Variants in SMARCB1 observed in about 807,000 individuals in gnomAD.
SMARCB1 encodes SWI/SNF related BAF chromatin remodeling complex subunit B1.
Under a neutral mutation model 49.0 loss-of-function variants are expected in SMARCB1, and 5 were observed. The observed-to-expected ratio is 0.10, with a 90% CI of 0.05 to 0.21. The LOEUF (loss-of-function observed/expected upper bound fraction) is 0.21. Among genes scored for constraint, SMARCB1 ranks in the 10% least tolerant of loss-of-function variants. The pLI, the probability that SMARCB1 is intolerant of heterozygous loss-of-function variation, is 1.00. For synonymous variants in SMARCB1, 201 were observed against 200.1 expected (o/e 1.00, Z -0.04); for missense variants, 226 against 509.2 (o/e 0.44, Z 5.35).
At chr22:23,792,208 C>T (rs1044963731) in intron 2 of SMARCB1, 7 of 379,604 alleles carry the variant, frequency 1.8e-5, no homozygotes, top group Non-Finnish European at 2.6e-5. Context: ...TGCCATCTGT[C>T]GTGGGTGTGT....
rs372554198 is a variant in SMARCB1, at chr22:23,836,999, C to G, written c.*2819C>G. The G allele has an allele frequency of 1.6e-4, 264 of 1,611,278 alleles. No individual in the cohort carries two copies. The highest frequency in any genetic ancestry group is 2.2e-4 in the Non-Finnish European group (256 of 1,178,742). Reference sequence around the variant, plus strand: ...GGCCCGTGTTGAGCACAGGCCAGCACAGGTCCCCATCGGTGGGGATCCTTC... The same window carrying G: ...GGCCCGTGTTGAGCACAGGCCAGCAGAGGTCCCCATCGGTGGGGATCCTTC... On this transcript the variant is annotated 3_prime_UTR_variant, in exon 9 of 9. Coordinates refer to ENST00000644036, the MANE Select transcript of SMARCB1 (RefSeq NM_003073.5).
At chr22:23,812,556 C>T (rs1318261770) in intron 5 of SMARCB1, among the ~76,000 whole-genome samples, 4 of 152,080 alleles carry the variant, frequency 2.6e-5, no homozygotes, top group African/African-American at 9.7e-5. Context: ...TCCTTTATGA[C>T]TAAAGATGCA....
rs56800497 is a variant in SMARCB1 at position 23,830,649 on chromosome 22, C to CTTTTTTTTT, written c.987-2898_987-2890dup. 4.7e-4 allele frequency among the ~76,000 whole-genome samples: 45 copies of CTTTTTTTTT among 95,412 alleles called. 1 individual carries two copies. Among genetic ancestry groups the CTTTTTTTTT allele is most frequent in the East Asian group, 1.1e-3 (3 of 2,662 alleles). 62.6% of individuals were successfully genotyped at this position (95,412 alleles called of 152,430 possible). On this transcript the variant is annotated intron_variant, in intron 7 of 8. Transcript: ENST00000644036. ...TTCATTTTGATGTAGTCCAATTTAT[C>CTTTTTTTTT]TTTTTTTTTTTTTTTTTTTTTTTTT... is the stretch of plus-strand genomic sequence containing the variant.
chr22:23,799,816 C>A (rs1929030672), intron 3 of SMARCB1, among the ~76,000 whole-genome samples: 1 of 151,384 alleles, frequency 6.6e-6, no homozygotes, highest in African/African-American at 2.4e-5. Flanking sequence ...TCCTGAGTAG[C>A]TGGGACTGCA....
intron 5 of SMARCB1, among the ~76,000 whole-genome samples, chr22:23,808,968 G>T (rs1305305646): frequency 6.6e-6 from 1 of 151,758 alleles, no homozygotes; most frequent in East Asian, 2.0e-4. Context: ...AAAGTGCTGG[G>T]ATTACAGGCG....
At chr22:23,814,068 A>C (rs1296221973) in intron 5 of SMARCB1, among the ~76,000 whole-genome samples, 1 of 152,094 alleles carries the variant, frequency 6.6e-6, no homozygotes, top group African/African-American at 2.4e-5. Context: ...GAGCTCAGGC[A>C]GTCCGCCTGT....
chr22:23,819,543 C>G (rs941434720), intron 6 of SMARCB1, among the ~76,000 whole-genome samples: 4 of 152,058 alleles, frequency 2.6e-5, no homozygotes, highest in African/African-American at 7.3e-5. Context: ...GTTGGCCAGC[C>G]TGGTCTCAAA....
chr22:23,837,720 C>G lies in SMARCB1; in HGVS notation c.*3540C>G, dbSNP rs139269814. 1 of 1,614,030 alleles carries G rather than the reference C, an allele frequency of 6.2e-7. No individual in the cohort carries two copies. Reference sequence around the variant, plus strand: ...GCGAGAAGCCCATGAGCGCCCAAGGCAGGAACGGTGCCTGGAAAGTGAGCA... The same window carrying G: ...GCGAGAAGCCCATGAGCGCCCAAGGGAGGAACGGTGCCTGGAAAGTGAGCA... On this transcript the variant is annotated 3_prime_UTR_variant, in exon 9 of 9. Coordinates refer to ENST00000644036, the MANE Select transcript of SMARCB1 (RefSeq NM_003073.5).
intron 7 of SMARCB1, among the ~76,000 whole-genome samples, chr22:23,826,611 G>T (rs1173135318): frequency 6.6e-6 from 1 of 152,180 alleles, no homozygotes; most frequent in Non-Finnish European, 1.5e-5. Flanking sequence ...ATCCACATCT[G>T]CAGTCATCAC....
intron 5 of SMARCB1, among the ~76,000 whole-genome samples, chr22:23,807,136 C>T (rs1929545240): frequency 6.6e-6 from 1 of 152,124 alleles, no homozygotes; most frequent in Non-Finnish European, 1.5e-5. Context: ...CACATGTGGA[C>T]ATAGATGCCA....
rs755893089 is a variant in SMARCB1 at position 23,801,140 on chromosome 22, G to A, written c.500+59G>A. The A allele has an allele frequency of 2.1e-5, 34 of 1,613,510 alleles. No homozygotes were observed. The highest frequency in any genetic ancestry group is 2.7e-5 in the Non-Finnish European group (32 of 1,179,676). On this transcript the variant is annotated intron_variant, in intron 4 of 8. Transcript: ENST00000644036. ...TGATTCCGCCTTAGTTCTCCAGCAC[G>A]TTTCAGTTCCTTCCTCCCCAGAAAA...
intron 7 of SMARCB1, chr22:23,826,267 T>C (rs1292601056): frequency 2.2e-5 from 3 of 137,666 alleles, no homozygotes; most frequent in African/African-American, 8.0e-5. Flanking sequence ...AAAAAAAAAA[T>C]AGAAAAAATG....
intron 6 of SMARCB1, among the ~76,000 whole-genome samples, chr22:23,822,901 T>C (rs2051195): frequency 0.99 from 148,524 of 149,370 alleles, 73,869 homozygotes; most frequent in Middle Eastern, 1. Context: ...TGCTTTCTGG[T>C]ACACCACATG....
At chr22:23,792,856 C>T (rs9624326) in intron 2 of SMARCB1, 26,430 of 158,260 alleles carry the variant, frequency 0.17, 2,430 homozygotes, top group African/African-American at 0.24. Context: ...CTTCCCCCTC[C>T]GCAAGTCCCT....
chr22:23,787,354 T>C (rs912842170), intron 1 of SMARCB1, 92 bp downstream of exon 1: 2 of 649,974 alleles, frequency 3.1e-6, no homozygotes, highest in Non-Finnish European at 4.7e-6. Flanking sequence ...TCTCCATTCA[T>C]CGGGGCGGGC....
Position 23,836,431 on chromosome 22 carries a change from C to G in SMARCB1, c.*2251C>G. ...CTGTCCTGGCCCCAGCAGCCGAAAT[C>G]TGGTGAACTTCCCCGCTGACTGGCA... On this transcript the variant is annotated 3_prime_UTR_variant, in exon 9 of 9. Coordinates refer to ENST00000644036, the MANE Select transcript of SMARCB1 (RefSeq NM_003073.5). 2 of 989,082 alleles carry G rather than the reference C, an allele frequency of 2.0e-6. No homozygotes were observed. Among genetic ancestry groups the G allele is most frequent in the Non-Finnish European group, 2.4e-6 (2 of 832,538 alleles). 61.3% of individuals were successfully genotyped at this position (989,082 alleles called of 1,614,324 possible).
intron 4 of SMARCB1, chr22:23,801,441 C>T (rs1002941215): frequency 1.6e-5 from 9 of 568,888 alleles, no homozygotes; most frequent in Non-Finnish European, 2.7e-5. Flanking sequence ...GCCACCATTT[C>T]CCAGAGCCTG....
rs745315386 is a variant in SMARCB1, at chr22:23,816,783, G to C, written c.642G>C (p.Thr214=). The C allele has an allele frequency of 6.2e-7, 1 of 1,613,752 alleles. No homozygotes were observed. The stretch of plus-strand genomic sequence containing the variant: ...TCCTGATTTCAGAGAAGTTGATGAC[G>C]CCTGAGATGTTTTCAGAAATCCTCT... ...FTWNMNEKLM[T]PEMFSEILCD... is the part of the protein sequence containing the mutation. Residue 214 remains threonine (T), a synonymous_variant, in exon 6 of 9, where the codon ACG becomes ACC. Transcript: ENST00000644036.
At position 23,834,845 on chromosome 22, in the gene SMARCB1, C is replaced by A; in HGVS notation, c.*665C>A. On this transcript the variant is annotated 3_prime_UTR_variant, in exon 9 of 9. Coordinates refer to ENST00000644036, the MANE Select transcript of SMARCB1 (RefSeq NM_003073.5). ...CTTGGCCTCAGGAAGGTGCCGCGAGCTCTCCTGCCGTCCCTGGGCCGCCCT... is the reference window on the plus strand; with the variant it reads ...CTTGGCCTCAGGAAGGTGCCGCGAGATCTCCTGCCGTCCCTGGGCCGCCCT... The A allele has an allele frequency of 6.2e-7, 1 of 1,612,214 alleles. No individual in the cohort carries two copies.
Sources: gnomAD v4.1 joint callset for allele counts (sites outside exome capture counted in the v4.1 genomes callset) on GRCh38, gnomAD v4.1.1 for gene constraint, MANE v1.5 for transcripts, NCBI Gene and HGNC (gene_info 2026-07-23, HGNC 2026-07-21) for gene names.